Variants in LAMA2 observed in about 807,000 individuals in gnomAD.
The protein encoded by LAMA2 is laminin subunit alpha 2.
In LAMA2, 269 loss-of-function variants were observed where a neutral mutation model predicts 364.8. That is an observed-to-expected ratio of 0.74 (90% CI 0.67 to 0.82). The LOEUF (loss-of-function observed/expected upper bound fraction) is 0.82, where lower values mean the gene tolerates loss of function less well. Among genes scored for constraint, LAMA2 ranks in the 40% least tolerant of loss-of-function variants. The pLI is 0.00. For missense variants in LAMA2, 3,807 were observed against 3,873.2 expected, an observed-to-expected ratio of 0.98 and a Z score of 0.45; for synonymous variants, 1,379 against 1,370.6, an observed-to-expected ratio of 1.01 and a Z score of -0.14.
At chr6:128,962,138 CCATA>C (rs1379434553) in intron 1 of LAMA2, among the ~76,000 whole-genome samples, 1 of 35,290 alleles carries the variant, frequency 2.8e-5, no homozygotes. Context: ...ATCCTCTGGA[CCATA>C]TATATATATA....
At chr6:129,073,912 G>A (rs1370074817) in intron 3 of LAMA2, among the ~76,000 whole-genome samples, 5 of 152,088 alleles carry the variant, frequency 3.3e-5, no homozygotes, top group Admixed American at 6.6e-5. Flanking sequence ...TAATGTATGT[G>A]TCTGAAAATG....
chr6:129,486,336 AC>A, intron 55 of LAMA2, 137 bp from the exon 56 acceptor site: 1 of 814,182 alleles, frequency 1.2e-6, no homozygotes. Context: ...TGTTTTCAAA[AC>A]CGTTTGAGAA....
At chr6:129,213,103 T>C (rs1001439883) in intron 12 of LAMA2, among the ~76,000 whole-genome samples, 1 of 152,204 alleles carries the variant, frequency 6.6e-6, no homozygotes, top group African/African-American at 2.4e-5. Flanking sequence ...TTTTCCAAGA[T>C]GTCATGTAGT....
At chr6:128,925,817 A>T (rs1237950550) in intron 1 of LAMA2, among the ~76,000 whole-genome samples, 1 of 150,500 alleles carries the variant, frequency 6.6e-6, no homozygotes, top group Non-Finnish European at 1.5e-5. Flanking sequence ...TCTTTGATTC[A>T]TTTTTTTTTC....
At chr6:129,170,082 T>C (rs1780032293) in intron 9 of LAMA2, among the ~76,000 whole-genome samples, 1 of 152,058 alleles carries the variant, frequency 6.6e-6, no homozygotes, top group East Asian at 1.9e-4. Context: ...GCTAGCGGTC[T>C]ATCAATTTTG....
intron 40 of LAMA2, among the ~76,000 whole-genome samples, chr6:129,404,161 T>G (rs1304961490): frequency 6.6e-6 from 1 of 152,186 alleles, no homozygotes; most frequent in African/African-American, 2.4e-5. Context: ...CCACTACCAC[T>G]GTTAGGGTCT....
chr6:129,181,798 GAGA>G (rs1283948555), intron 10 of LAMA2, among the ~76,000 whole-genome samples: 1 of 151,808 alleles, frequency 6.6e-6, no homozygotes, highest in Non-Finnish European at 1.5e-5. Flanking sequence ...TAATGAAGGA[GAGA>G]AGAATGATCA....
At position 129,314,559 on chromosome 6, in the gene LAMA2, T is replaced by G. The variant is rs975837687; in HGVS notation, c.3412-96T>G. ...AGTGTTCTTCTGTTTTGTTTTAAATTTTTTAAAAAGAGTATGCTCCCGTTA... is the reference window on the plus strand; with the variant it reads ...AGTGTTCTTCTGTTTTGTTTTAAATGTTTTAAAAAGAGTATGCTCCCGTTA... On this transcript the variant is annotated intron_variant, in intron 23 of 64. Transcript: ENST00000421865. 3.4e-6 allele frequency: 4 copies of G among 1,163,898 alleles called. No homozygotes were observed. In the Admixed American group the frequency reaches 5.7e-5, roughly 17 times the overall value. 72.1% of individuals were successfully genotyped at this position (1,163,898 alleles called of 1,614,324 possible).
chr6:129,237,156 A>G (rs372109206), intron 12 of LAMA2, among the ~76,000 whole-genome samples: 9 of 152,188 alleles, frequency 5.9e-5, no homozygotes, highest in African/African-American at 1.9e-4. Flanking sequence ...TGAGAATGTA[A>G]TGAATGAACA....
chr6:129,219,367 A>G (rs1395941437), intron 12 of LAMA2, among the ~76,000 whole-genome samples: 3 of 151,804 alleles, frequency 2.0e-5, no homozygotes, highest in African/African-American at 4.8e-5. Context: ...GAACACTTTT[A>G]CACTGTTGGT....
At chr6:129,224,147 G>A (rs1237875134) in intron 12 of LAMA2, among the ~76,000 whole-genome samples, 2 of 152,144 alleles carry the variant, frequency 1.3e-5, no homozygotes, top group Non-Finnish European at 2.9e-5. Flanking sequence ...CTCTCTGATT[G>A]TCTGTTGTTA....
At chr6:128,938,378 A>C (rs984487725) in intron 1 of LAMA2, among the ~76,000 whole-genome samples, 28 of 152,178 alleles carry the variant, frequency 1.8e-4, no homozygotes, top group Non-Finnish European at 3.4e-4. Context: ...AGAGTGCTAG[A>C]CACTGTTTGC....
At chr6:128,907,611 T>C (rs1024022023) in intron 1 of LAMA2, among the ~76,000 whole-genome samples, 1,584 of 152,196 alleles carry the variant, frequency 0.01, 28 homozygotes, top group African/African-American at 0.036. Flanking sequence ...CTTTTCCTAA[T>C]TGAATACCCT....
chr6:129,136,560 C>A (rs1339531877), intron 4 of LAMA2, among the ~76,000 whole-genome samples: 1 of 148,442 alleles, frequency 6.7e-6, no homozygotes, highest in East Asian at 2.0e-4. Context: ...CTTCTTTGAC[C>A]AGCAGGAAAA....
chr6:128,919,804 A>G (rs1263175811), intron 1 of LAMA2, among the ~76,000 whole-genome samples: 1 of 152,206 alleles, frequency 6.6e-6, no homozygotes, highest in African/African-American at 2.4e-5. Context: ...TTTATAAGTC[A>G]TGTAGCCGTA....
At chr6:129,275,319 A>G (rs1788229639) in intron 17 of LAMA2, among the ~76,000 whole-genome samples, 1 of 151,996 alleles carries the variant, frequency 6.6e-6, no homozygotes, top group Admixed American at 6.6e-5. Context: ...TCCATATGCC[A>G]AAGGAAAAAA....
intron 10 of LAMA2, among the ~76,000 whole-genome samples, chr6:129,181,812 T>C (rs1050843380): frequency 4.0e-5 from 6 of 151,868 alleles, no homozygotes; most frequent in Non-Finnish European, 8.8e-5. Context: ...AGAATGATCA[T>C]GAGTTAAAAA....
intron 12 of LAMA2, among the ~76,000 whole-genome samples, chr6:129,248,478 T>C (rs1785932122): frequency 6.6e-6 from 1 of 152,228 alleles, no homozygotes; most frequent in Admixed American, 6.5e-5. Flanking sequence ...ATTCAAAATG[T>C]ATTTTATTTG....
intron 1 of LAMA2, among the ~76,000 whole-genome samples, chr6:128,921,883 G>T (rs1352611712): frequency 3.7e-5 from 4 of 109,416 alleles, no homozygotes; most frequent in Non-Finnish European, 6.8e-5. Flanking sequence ...ACAGTCCCCA[G>T]AGTGTGATGT....
Sources: allele counts gnomAD v4.1 joint callset (sites outside exome capture counted in the v4.1 genomes callset), GRCh38; gene constraint gnomAD v4.1.1; transcripts MANE v1.5; gene names NCBI Gene and HGNC (gene_info 2026-07-23, HGNC 2026-07-21).